MPHOSPH6: variants seen among roughly 807,000 people sequenced by gnomAD.
MPHOSPH6 encodes the protein M-phase phosphoprotein 6.
MPHOSPH6 carries 25 observed loss-of-function variants against 21.8 expected under a neutral mutation model. The observed-to-expected ratio is 1.15, with a 90% CI of 0.83 to 1.60. The LOEUF is 1.60. MPHOSPH6 is among the 40% of genes most tolerant of loss of function. The probability of loss-of-function intolerance (pLI) is 0.00; values close to 1 mark genes in which losing one functional copy is unlikely to be tolerated. For missense variants in MPHOSPH6, 269 were observed against 181.8 expected, an observed-to-expected ratio of 1.48 and a Z score of -2.76; for synonymous variants, 84 against 56.5, an observed-to-expected ratio of 1.49 and a Z score of -2.18.
chr16:82,148,975 C>G (rs746305772), intron 4 of MPHOSPH6, 112 bp from the exon 5 acceptor site: 21 of 1,324,426 alleles, frequency 1.6e-5, no homozygotes, highest in South Asian at 2.9e-5. Flanking sequence ...AAAAAGAAAA[C>G]TATCATTAAA....
intron 3 of MPHOSPH6, among the ~76,000 whole-genome samples, chr16:82,150,885 G>A (rs1328353886): frequency 1.3e-5 from 2 of 152,178 alleles, no homozygotes; most frequent in African/African-American, 2.4e-5. Context: ...GAGTTCTAAT[G>A]AATATTTGTT....
intron 1 of MPHOSPH6, among the ~76,000 whole-genome samples, chr16:82,169,260 G>C (rs999693054): frequency 6.6e-6 from 1 of 152,132 alleles, no homozygotes; most frequent in Non-Finnish European, 1.5e-5. Context: ...CTTAGTACTT[G>C]CCTTCCAGAC....
In MPHOSPH6 at chr16:82,148,663, G is replaced by C. The variant is rs151310364; in HGVS notation, c.*68C>G. 2.7e-4 allele frequency: 425 copies of C among 1,563,566 alleles called. 4 individuals are homozygous for C. The East Asian group carries it at 9.1e-3, about 34-fold the overall frequency. On this transcript the variant is annotated 3_prime_UTR_variant, in exon 5 of 5. Transcript: ENST00000258169. ...TATTAATAACTATAGAGACACCATT[G>C]GGATGAGCTCCAGATGCCCTGCTGA...
At chr16:82,160,753 T>C (rs1906581739) in intron 2 of MPHOSPH6, among the ~76,000 whole-genome samples, 1 of 152,176 alleles carries the variant, frequency 6.6e-6, no homozygotes, top group South Asian at 2.1e-4. Flanking sequence ...TTGATGCTTG[T>C]GCTGCTTGCT....
intron 2 of MPHOSPH6, among the ~76,000 whole-genome samples, chr16:82,154,296 C>T (rs1488340537): frequency 6.6e-6 from 1 of 152,168 alleles, no homozygotes; most frequent in African/African-American, 2.4e-5. Flanking sequence ...CTACAAAACA[C>T]ACCCTAACAA....
rs769541054 is a variant in MPHOSPH6 at position 82,149,293 on chromosome 16, T to G, written c.350+16A>C. On this transcript the variant is annotated intron_variant, in intron 4 of 4. Coordinates refer to ENST00000258169, the MANE Select transcript of MPHOSPH6 (RefSeq NM_005792.2). ...TGCTAGGTCCAGATTAGAAGGCTGC[T>G]GCGCAGCACGGTTACCTTCTAGCCA... is the stretch of plus-strand genomic sequence containing the variant. 21 of 1,609,438 alleles carry G rather than the reference T, an allele frequency of 1.3e-5. No individual in the cohort carries two copies. Among genetic ancestry groups the G allele is most frequent in the Middle Eastern group, 1.6e-4 (1 of 6,082 alleles).
intron 3 of MPHOSPH6, 80 bp downstream of exon 3, chr16:82,151,344 G>A (rs1291306959): frequency 1.3e-5 from 20 of 1,565,940 alleles, no homozygotes; most frequent in Non-Finnish European, 1.3e-5. Flanking sequence ...GTACCTGGTG[G>A]AGAAACACCT....
At chr16:82,162,867 A>G (rs1005395109) in intron 2 of MPHOSPH6, among the ~76,000 whole-genome samples, 1 of 152,238 alleles carries the variant, frequency 6.6e-6, no homozygotes, top group Non-Finnish European at 1.5e-5. Flanking sequence ...TAGGGGAAAA[A>G]TACTGGAAAC....
Position 82,164,205 on chromosome 16 carries a change from A to T in MPHOSPH6, c.52-11T>A, listed in dbSNP as rs1597164673. ...TCCCCTTTGCATAAACTGTGAAAAC[A>T]AACAAAATCAATGTCAGAAACTTTT... On this transcript the variant is annotated splice_polypyrimidine_tract_variant and intron_variant, in intron 1 of 4. Transcript: ENST00000258169. 2 of 1,554,704 alleles carry T rather than the reference A, an allele frequency of 1.3e-6. No individual in the cohort carries two copies. The highest frequency in any genetic ancestry group is 4.5e-5 in the East Asian group (2 of 44,602).
intron 2 of MPHOSPH6, among the ~76,000 whole-genome samples, chr16:82,162,873 G>C (rs1311179924): frequency 6.6e-6 from 1 of 152,176 alleles, no homozygotes; most frequent in African/African-American, 2.4e-5. Flanking sequence ...AAAAATACTG[G>C]AAACAAGATA....
rs992861423 is a variant in MPHOSPH6 at position 82,152,596 on chromosome 16, C to T, written c.165-1082G>A. Among the ~76,000 whole-genome samples the T allele has an allele frequency of 2.4e-4, 37 of 152,268 alleles. 1 individual carries two copies. The highest frequency in any genetic ancestry group is 8.2e-4 in the African/African-American group (34 of 41,540). On this transcript the variant is annotated intron_variant, in intron 2 of 4. Transcript: ENST00000258169. ...AGAATTGGAAGACGGGCAGAAATAACGGTCGCTAGGTGGTTGCACCAGAAC... is the reference window on the plus strand; with the variant it reads ...AGAATTGGAAGACGGGCAGAAATAATGGTCGCTAGGTGGTTGCACCAGAAC...
chr16:82,168,799 C>T (rs1352031130), intron 1 of MPHOSPH6, among the ~76,000 whole-genome samples: 1 of 152,152 alleles, frequency 6.6e-6, no homozygotes, highest in Non-Finnish European at 1.5e-5. Flanking sequence ...TGAATGCTTC[C>T]TTCCCTCTTT....
At position 82,164,168 on chromosome 16, in the gene MPHOSPH6, TTC is replaced by T. The variant is rs772945646; in HGVS notation, c.76_77del (p.Glu26AsnfsTer14). On this transcript the variant is annotated frameshift_variant, in exon 2 of 5. Transcript: ENST00000258169. LOFTEE classifies it high-confidence loss of function. ...MKFMQRGLDS[E>X]TKKQLEEEEK... Reference sequence around the variant, plus strand: ...CTTCTTCTTCTAGTTGTTTCTTGGTTTCTGAGTCCAGTCCCCTTTGCATAAAC... The same window carrying T: ...CTTCTTCTTCTAGTTGTTTCTTGGTTTGAGTCCAGTCCCCTTTGCATAAAC... 1 of 1,611,264 alleles carries T rather than the reference TTC, an allele frequency of 6.2e-7. No individual in the cohort carries two copies. The highest frequency in any genetic ancestry group is 8.5e-7 in the Non-Finnish European group (1 of 1,179,856).
intron 2 of MPHOSPH6, among the ~76,000 whole-genome samples, chr16:82,158,759 G>A (rs1470285520): frequency 6.6e-6 from 1 of 152,108 alleles, no homozygotes; most frequent in Non-Finnish European, 1.5e-5. Flanking sequence ...ATTCCGAATA[G>A]CTTTTATCTG....
intron 2 of MPHOSPH6, among the ~76,000 whole-genome samples, chr16:82,160,490 C>G (rs1331145592): frequency 1.3e-5 from 2 of 152,206 alleles, no homozygotes; most frequent in Non-Finnish European, 2.9e-5. Flanking sequence ...GCAAGGATAT[C>G]TGCATAGCGA....
In MPHOSPH6 at chr16:82,151,528, T is replaced by G; in HGVS notation, c.165-14A>C. On this transcript the variant is annotated splice_polypyrimidine_tract_variant and intron_variant, in intron 2 of 4. Transcript: ENST00000258169. ...ATTATGAAACTCCTAAATGGGAAAA[T>G]AAAAATAGCATTTCTCCATATATAA... The G allele has an allele frequency of 6.4e-7, 1 of 1,563,258 alleles. No individual in the cohort carries two copies. Among genetic ancestry groups the G allele is most frequent in the East Asian group, 2.3e-5 (1 of 44,334 alleles).
At chr16:82,160,794 T>A (rs1350624968) in intron 2 of MPHOSPH6, among the ~76,000 whole-genome samples, 2 of 152,122 alleles carry the variant, frequency 1.3e-5, no homozygotes, top group South Asian at 2.1e-4. Context: ...CTGATGGTGT[T>A]CAGGAGACAC....
chr16:82,153,035 G>T (rs11645618), intron 2 of MPHOSPH6, among the ~76,000 whole-genome samples: 1 of 152,120 alleles, frequency 6.6e-6, no homozygotes, highest in East Asian at 1.9e-4. Flanking sequence ...GCTGAGGCAG[G>T]AGAACTGCTC....
chr16:82,164,314 T>C (rs750564970), intron 1 of MPHOSPH6, 120 bp from the exon 2 acceptor site: 3 of 680,718 alleles, frequency 4.4e-6, no homozygotes, highest in South Asian at 2.0e-5. Flanking sequence ...CATCTCAAGA[T>C]TGAGGGTTGG....
Sources: allele counts gnomAD v4.1 joint callset (sites outside exome capture counted in the v4.1 genomes callset), GRCh38; gene constraint gnomAD v4.1.1; transcripts MANE v1.5; gene names NCBI Gene and HGNC (gene_info 2026-07-23, HGNC 2026-07-21).